DOCK1: variants seen among roughly 807,000 people sequenced by gnomAD.
DOCK1 encodes the protein dedicator of cytokinesis protein 1.
In DOCK1, 138 loss-of-function variants were observed where a neutral mutation model predicts 262.7. That is an observed-to-expected ratio of 0.53 (90% confidence interval 0.46 to 0.61). The LOEUF (loss-of-function observed/expected upper bound fraction) is 0.61, where lower values mean the gene tolerates loss of function less well. Among genes scored for constraint, DOCK1 ranks in the 20% least tolerant of loss-of-function variants. DOCK1 has a pLI of 0.00. For missense variants in DOCK1, 1,908 were observed against 2,370.7 expected (o/e 0.80, Z 4.05); for synonymous variants, 866 against 867.4 (o/e 1.00, Z 0.03).
In DOCK1 at chr10:127,008,001, C is replaced by T. The variant is rs367600655; in HGVS notation, c.986-731C>T. ...GAGGCTTCAGAACAGTGCTGGCCAG[C>T]GTGGTAACCACTTGTCACATGTGAC... On this transcript the variant is annotated intron_variant, in intron 10 of 51. Coordinates refer to ENST00000623213, the MANE Select transcript of DOCK1 (RefSeq NM_001290223.2). Among the ~76,000 whole-genome samples the T allele has an allele frequency of 3.5e-4, 53 of 152,224 alleles. No homozygotes were observed. The South Asian group carries it at 5.0e-3, about 14-fold the overall frequency.
intron 27 of DOCK1, among the ~76,000 whole-genome samples, chr10:127,224,403 A>C (rs1197249222): frequency 6.6e-6 from 1 of 152,102 alleles, no homozygotes; most frequent in Non-Finnish European, 1.5e-5. Context: ...CTCTAATAAA[A>C]ATACAAAAAA....
chr10:127,080,721 G>T (rs951793336), intron 23 of DOCK1, among the ~76,000 whole-genome samples: 24 of 152,124 alleles, frequency 1.6e-4, no homozygotes, highest in African/African-American at 5.8e-4. Flanking sequence ...TGTCTTGAAT[G>T]CCAGGCTATT....
At chr10:127,301,505 A>G (rs1008097930) in intron 29 of DOCK1, among the ~76,000 whole-genome samples, 3 of 152,172 alleles carry the variant, frequency 2.0e-5, no homozygotes, top group African/African-American at 4.8e-5. Flanking sequence ...TCGCTTTGCT[A>G]TTGTCATGAG....
intron 37 of DOCK1, among the ~76,000 whole-genome samples, chr10:127,382,802 C>T (rs982494062): frequency 6.6e-6 from 1 of 152,186 alleles, no homozygotes; most frequent in Non-Finnish European, 1.5e-5. Flanking sequence ...GAATGTAAAA[C>T]ATATATATGT....
chr10:127,040,717 C>T (rs2135614781), intron 19 of DOCK1, among the ~76,000 whole-genome samples: 1 of 152,180 alleles, frequency 6.6e-6, no homozygotes, highest in East Asian at 1.9e-4. Flanking sequence ...CCTCTGATGT[C>T]CTTGCTGTGT....
intron 50 of DOCK1, 70 bp from the exon 51 acceptor site, chr10:127,447,324 G>C (rs1285487064): frequency 2.6e-5 from 40 of 1,558,370 alleles, no homozygotes; most frequent in Non-Finnish European, 3.2e-5. Context: ...AGGGAACGTG[G>C]AGCAGCTCCC....
At chr10:127,380,153 A>G (rs994112953) in intron 36 of DOCK1, 31 bp downstream of exon 36, 2 of 1,380,062 alleles carry the variant, frequency 1.4e-6, no homozygotes, top group African/African-American at 1.5e-5. Flanking sequence ...TCTGCATGTT[A>G]ATTATAAATA....
intron 27 of DOCK1, among the ~76,000 whole-genome samples, chr10:127,198,351 G>GA: frequency 6.6e-6 from 1 of 152,224 alleles, no homozygotes. Context: ...CCATAAAATT[G>GA]AAATCTGCCT....
At chr10:127,046,102 A>G (rs2044329413) in intron 21 of DOCK1, among the ~76,000 whole-genome samples, 1 of 151,378 alleles carries the variant, frequency 6.6e-6, no homozygotes, top group Admixed American at 6.6e-5. Context: ...TCTTTTTTTA[A>G]TTGGTTTGAA....
At chr10:127,411,435 G>T (rs142218472) in intron 43 of DOCK1, among the ~76,000 whole-genome samples, 275 of 152,244 alleles carry the variant, frequency 1.8e-3, no homozygotes, top group African/African-American at 5.4e-3. Context: ...AATACGGACC[G>T]GGTTATTCTC....
chr10:127,007,725 G>C (rs952807336), intron 10 of DOCK1, among the ~76,000 whole-genome samples: 2 of 152,308 alleles, frequency 1.3e-5, no homozygotes, highest in Middle Eastern at 3.4e-3. Flanking sequence ...GATCTCCCGG[G>C]GGGTGTGTTT....
intron 27 of DOCK1, among the ~76,000 whole-genome samples, chr10:127,131,090 A>G (rs1189274847): frequency 6.6e-6 from 1 of 152,140 alleles, no homozygotes; most frequent in East Asian, 1.9e-4. Flanking sequence ...CCTGTGTTCT[A>G]AGGAACCCTG....
At chr10:127,361,943 C>A in intron 32 of DOCK1, 121 bp from the exon 33 acceptor site, 3 of 1,164,872 alleles carry the variant, frequency 2.6e-6, no homozygotes, top group Non-Finnish European at 3.5e-6. Flanking sequence ...AATGGATGCA[C>A]ATTTTCGGGA....
chr10:127,236,850 A>T lies in DOCK1; in HGVS notation c.2848-11158A>T, dbSNP rs577059234. 5.9e-5 allele frequency among the ~76,000 whole-genome samples: 9 copies of T among 152,276 alleles called. No individual in the cohort carries two copies. The East Asian group carries it at 1.2e-3, about 20-fold the overall frequency. The stretch of plus-strand genomic sequence containing the variant: ...GCAAATATCCTTAAATACATATCTA[A>T]TTAAACTTTTCAAGAATTCCAGATT... On this transcript the variant is annotated intron_variant, in intron 27 of 51. Coordinates refer to ENST00000623213, the MANE Select transcript of DOCK1 (RefSeq NM_001290223.2).
chr10:127,003,248 A>G (rs1385606897), intron 10 of DOCK1, among the ~76,000 whole-genome samples: 2 of 149,350 alleles, frequency 1.3e-5, no homozygotes, highest in Non-Finnish European at 3.0e-5. Context: ...GTGTGAACCC[A>G]CGTGAACCTT....
intron 10 of DOCK1, among the ~76,000 whole-genome samples, chr10:127,007,006 T>A (rs2041079695): frequency 6.6e-6 from 1 of 152,126 alleles, no homozygotes; most frequent in South Asian, 2.1e-4. Flanking sequence ...GGTGCTGCAG[T>A]CAGTCGCGTG....
chr10:127,384,623 G>T (rs1230524511), intron 37 of DOCK1, among the ~76,000 whole-genome samples, 167 bp from the exon 38 acceptor site: 1 of 152,218 alleles, frequency 6.6e-6, no homozygotes, highest in Non-Finnish European at 1.5e-5. Context: ...ATGCCTGTCG[G>T]TATGTCCGGA....
At chr10:127,194,186 G>C (rs1209060887) in intron 27 of DOCK1, among the ~76,000 whole-genome samples, 1 of 152,174 alleles carries the variant, frequency 6.6e-6, no homozygotes, top group Non-Finnish European at 1.5e-5. Flanking sequence ...ACTCTCCATG[G>C]CTAATGTAAT....
chr10:127,317,470 G>C (rs1464558038), intron 29 of DOCK1, among the ~76,000 whole-genome samples: 1 of 152,162 alleles, frequency 6.6e-6, no homozygotes, highest in Non-Finnish European at 1.5e-5. Context: ...CAGCTGTCTT[G>C]CTCTTCATGC....
Sources: allele counts gnomAD v4.1 joint callset (sites outside exome capture counted in the v4.1 genomes callset), GRCh38; gene constraint gnomAD v4.1.1; transcripts MANE v1.5; gene names NCBI Gene and HGNC (gene_info 2026-07-23, HGNC 2026-07-21).